PLD5: variants seen among roughly 807,000 people sequenced by gnomAD.
PLD5 encodes the protein phospholipase D family member 5, also known as inactive phospholipase D5.
PLD5 carries 36 observed loss-of-function variants against 61.1 expected under a neutral mutation model. The observed-to-expected ratio is 0.59, with a 90% CI of 0.45 to 0.78. The LOEUF is 0.78. Ranked by LOEUF, PLD5 falls within the 30% of genes least tolerant of loss-of-function variation. PLD5 has a pLI of 0.00. For missense variants in PLD5, 515 were observed against 644.4 expected (o/e 0.80, Z 2.17); for synonymous variants, 243 against 242.8 (o/e 1.00, Z -0.01).
At chr1:242,330,218 A>G (rs998275540) in intron 2 of PLD5, among the ~76,000 whole-genome samples, 2 of 152,228 alleles carry the variant, frequency 1.3e-5, no homozygotes, top group African/African-American at 4.8e-5. Context: ...ATGAAGTACA[A>G]ATAGAACTGT....
intron 5 of PLD5, among the ~76,000 whole-genome samples, chr1:242,179,940 G>GTGTT (rs1303376175): frequency 6.6e-6 from 1 of 152,092 alleles, no homozygotes; most frequent in Non-Finnish European, 1.5e-5. Flanking sequence ...GTGTGTGTGT[G>GTGTT]TGTGTGTAGG....
chr1:242,282,899 A>G (rs1012188586), intron 3 of PLD5, among the ~76,000 whole-genome samples: 3 of 152,240 alleles, frequency 2.0e-5, no homozygotes, highest in Non-Finnish European at 2.9e-5. Context: ...ATTCTAACAT[A>G]CAGTTATCAT....
intron 1 of PLD5, among the ~76,000 whole-genome samples, chr1:242,401,295 C>T (rs1157627300): frequency 1.3e-5 from 2 of 152,088 alleles, no homozygotes; most frequent in Admixed American, 1.3e-4. Context: ...TCAGCCAAGC[C>T]CACCCCTCAT....
chr1:242,215,199 T>C (rs984247496), intron 5 of PLD5, among the ~76,000 whole-genome samples: 1 of 152,036 alleles, frequency 6.6e-6, no homozygotes, highest in African/African-American at 2.4e-5. Flanking sequence ...ATACATCTTC[T>C]TTTAACTTTT....
intron 5 of PLD5, among the ~76,000 whole-genome samples, chr1:242,138,966 A>G (rs1266494419): frequency 2.0e-5 from 3 of 152,152 alleles, no homozygotes; most frequent in African/African-American, 7.2e-5. Flanking sequence ...TCTATTTTTC[A>G]TGCTAATAAA....
At chr1:242,403,468 C>CTTTT (rs199559256) in intron 1 of PLD5, among the ~76,000 whole-genome samples, 1 of 139,020 alleles carries the variant, frequency 7.2e-6, no homozygotes, top group African/African-American at 2.7e-5. Flanking sequence ...CTTGGATAGG[C>CTTTT]TTTTTTTTTT....
intron 1 of PLD5, among the ~76,000 whole-genome samples, chr1:242,466,378 G>C (rs1006736725): frequency 2.6e-5 from 4 of 152,126 alleles, no homozygotes; most frequent in Non-Finnish European, 5.9e-5. Context: ...GTGACTGCTA[G>C]TGAGAAATTA....
chr1:242,173,010 C>T (rs1161817564), intron 5 of PLD5, among the ~76,000 whole-genome samples: 1 of 152,036 alleles, frequency 6.6e-6, no homozygotes, highest in African/African-American at 2.4e-5. Context: ...GGGATGCCCT[C>T]TCTCACCACT....
At chr1:242,284,132 T>C (rs1674882095) in intron 3 of PLD5, among the ~76,000 whole-genome samples, 3 of 122,596 alleles carry the variant, frequency 2.4e-5, no homozygotes, top group South Asian at 5.9e-4. Flanking sequence ...TTTTTTTTTT[T>C]TTTTTTTTTT....
chr1:242,283,129 T>C (rs1674813044), intron 3 of PLD5, among the ~76,000 whole-genome samples: 1 of 152,168 alleles, frequency 6.6e-6, no homozygotes, highest in African/African-American at 2.4e-5. Context: ...TCCATGCAAA[T>C]GAAAAATAAA....
chr1:242,346,468 C>T (rs1414674476), intron 2 of PLD5, among the ~76,000 whole-genome samples: 1 of 152,118 alleles, frequency 6.6e-6, no homozygotes, highest in Non-Finnish European at 1.5e-5. Context: ...AGTGTGTTCT[C>T]ACTCTGTAAA....
chr1:242,237,867 A>C (rs1264098033), intron 4 of PLD5, among the ~76,000 whole-genome samples: 1 of 152,194 alleles, frequency 6.6e-6, no homozygotes, highest in African/African-American at 2.4e-5. Flanking sequence ...CCTTAACATA[A>C]GTATATCCCA....
At chr1:242,435,719 G>A (rs898965662) in intron 1 of PLD5, among the ~76,000 whole-genome samples, 1 of 152,184 alleles carries the variant, frequency 6.6e-6, no homozygotes, top group Non-Finnish European at 1.5e-5. Context: ...AAGAGCAATG[G>A]GTGAGCATCC....
chr1:242,201,615 G>A (rs879899585), intron 5 of PLD5, among the ~76,000 whole-genome samples: 12 of 152,058 alleles, frequency 7.9e-5, no homozygotes, highest in African/African-American at 1.2e-4. Context: ...TTAAACTTCC[G>A]GGTTCAAGTG....
intron 1 of PLD5, among the ~76,000 whole-genome samples, chr1:242,459,230 T>C (rs1052872703): frequency 2.0e-5 from 3 of 152,228 alleles, no homozygotes; most frequent in Non-Finnish European, 2.9e-5. Context: ...TGTTCACAAT[T>C]GGGAATCAGT....
At chr1:242,182,277 T>G (rs1204598329) in intron 5 of PLD5, among the ~76,000 whole-genome samples, 4 of 152,224 alleles carry the variant, frequency 2.6e-5, no homozygotes, top group African/African-American at 9.6e-5. Flanking sequence ...AAGTAAAACT[T>G]TCTGATACTT....
intron 1 of PLD5, among the ~76,000 whole-genome samples, chr1:242,394,312 GTGTGTATATATGAGTATA>G: frequency 1.3e-5 from 1 of 79,456 alleles, no homozygotes; most frequent in Non-Finnish European, 2.4e-5. Context: ...GAGTATATAT[GTGTGTATATATGAGTATA>G]TATGTGTGTA....
chr1:242,126,552 A>G (rs1390493465), intron 5 of PLD5, among the ~76,000 whole-genome samples: 1 of 152,188 alleles, frequency 6.6e-6, no homozygotes, highest in Non-Finnish European at 1.5e-5. Context: ...CAAAAACATA[A>G]AGTGGGGAAA....
intron 5 of PLD5, chr1:242,177,783 CAG>C (rs980067504): frequency 6.6e-6 from 1 of 152,188 alleles, no homozygotes; most frequent in African/African-American, 2.4e-5. Flanking sequence ...GGCCTCCAGA[CAG>C]GGGATTTCCA....
Sources: gnomAD v4.1 joint callset for allele counts (sites outside exome capture counted in the v4.1 genomes callset) on GRCh38, gnomAD v4.1.1 for gene constraint, MANE v1.5 for transcripts, NCBI Gene and HGNC (gene_info 2026-07-23, HGNC 2026-07-21) for gene names.